Variants in NXPE2 observed in about 807,000 individuals in gnomAD.
The protein encoded by NXPE2 is NXPE family member 2.
In NXPE2, 34 loss-of-function variants were observed where a neutral mutation model predicts 34.4. That is an observed-to-expected ratio of 0.99 (90% CI 0.75 to 1.31). NXPE2 has a LOEUF of 1.31. Among genes scored for constraint, NXPE2 ranks in the 40% most tolerant of loss-of-function variants. NXPE2 has a pLI of 0.00. For missense variants in NXPE2, 649 were observed against 672.5 expected (o/e 0.97, Z 0.39); for synonymous variants, 235 against 231.3 (o/e 1.02, Z -0.15).
intron 3 of NXPE2, among the ~76,000 whole-genome samples, chr11:114,703,456 T>A (rs1251697937): frequency 6.6e-6 from 1 of 152,218 alleles, no homozygotes; most frequent in East Asian, 1.9e-4. Context: ...ACCCCATAAC[T>A]GTTGAATCAG....
chr11:114,586,544 C>T, the NXPE2 span, among the ~76,000 whole-genome samples: 5 of 152,180 alleles, frequency 3.3e-5, no homozygotes, highest in Non-Finnish European at 7.3e-5. Flanking sequence ...GAGAACTTAG[C>T]TAATCCCCCC....
the NXPE2 span, among the ~76,000 whole-genome samples, chr11:114,762,900 G>A: frequency 1.3e-5 from 2 of 151,932 alleles, no homozygotes; most frequent in East Asian, 1.9e-4. Context: ...GTGTCCATCA[G>A]TCACTGAGGC....
the NXPE2 span, among the ~76,000 whole-genome samples, chr11:114,785,686 C>T: frequency 6.6e-6 from 1 of 152,190 alleles, no homozygotes; most frequent in African/African-American, 2.4e-5. Flanking sequence ...ATTTTACCTC[C>T]TTCCCAGTTT....
At chr11:114,766,511 C>T in the NXPE2 span, among the ~76,000 whole-genome samples, 1 of 152,110 alleles carries the variant, frequency 6.6e-6, no homozygotes, top group Non-Finnish European at 1.5e-5. Context: ...TTCCTCTTCA[C>T]TCCTCTCCTT....
the NXPE2 span, among the ~76,000 whole-genome samples, chr11:114,772,377 TA>T: frequency 0.021 from 3,198 of 149,134 alleles, 46 homozygotes; most frequent in Non-Finnish European, 0.035. Flanking sequence ...CTTAGGGGAT[TA>T]AAAAAAAAAG....
chr11:114,550,633 G>C, the NXPE2 span, among the ~76,000 whole-genome samples: 9 of 152,146 alleles, frequency 5.9e-5, no homozygotes, highest in African/African-American at 2.2e-4. Flanking sequence ...AAGAAAACAT[G>C]GATGAATACC....
the NXPE2 span, among the ~76,000 whole-genome samples, chr11:114,768,219 G>A: frequency 2.0e-5 from 3 of 152,200 alleles, no homozygotes; most frequent in Non-Finnish European, 4.4e-5. Flanking sequence ...TCCGATGGTT[G>A]TAGATATGTG....
the NXPE2 span, chr11:114,553,879 T>G: frequency 4.8e-5 from 46 of 968,130 alleles, no homozygotes; most frequent in Non-Finnish European, 5.5e-5. Flanking sequence ...CCATGATGGG[T>G]ACATTTAGAT....
At chr11:114,800,452 TGTTA>T in the NXPE2 span, among the ~76,000 whole-genome samples, 1 of 152,060 alleles carries the variant, frequency 6.6e-6, no homozygotes, top group Non-Finnish European at 1.5e-5. Flanking sequence ...TCAAACTGTT[TGTTA>T]AACTGATTTT....
At chr11:114,678,674 G>A (rs1950888662) in intron 1 of NXPE2, 73 bp downstream of exon 1, 1 of 1,218,716 alleles carries the variant, frequency 8.2e-7, no homozygotes, top group East Asian at 2.5e-5. Flanking sequence ...ACCATTTGGT[G>A]TTTTTCAAAT....
At chr11:114,647,512 T>A in the NXPE2 span, among the ~76,000 whole-genome samples, 1 of 152,278 alleles carries the variant, frequency 6.6e-6, no homozygotes, top group African/African-American at 2.4e-5. Flanking sequence ...TATGTAAGTT[T>A]CCTGTTTTTT....
chr11:114,471,732 G>A, the NXPE2 span, among the ~76,000 whole-genome samples: 15 of 152,118 alleles, frequency 9.9e-5, no homozygotes, highest in African/African-American at 2.7e-4. Context: ...TCCTCCAAAC[G>A]TCTTGTCAGT....
chr11:114,470,395 G>A, the NXPE2 span, among the ~76,000 whole-genome samples: 1 of 152,134 alleles, frequency 6.6e-6, no homozygotes, highest in Non-Finnish European at 1.5e-5. Flanking sequence ...ATTTAAATAG[G>A]TGTATAGTGG....
At chr11:114,477,398 A>G in the NXPE2 span, among the ~76,000 whole-genome samples, 2 of 152,228 alleles carry the variant, frequency 1.3e-5, no homozygotes, top group Non-Finnish European at 1.5e-5. Context: ...GGCGATGGAT[A>G]TATTAAATAG....
At chr11:114,771,594 C>A in the NXPE2 span, among the ~76,000 whole-genome samples, 3 of 152,024 alleles carry the variant, frequency 2.0e-5, no homozygotes, top group African/African-American at 4.8e-5. Context: ...GCAGTGGACC[C>A]AATTCACTCA....
upstream of NXPE2, among the ~76,000 whole-genome samples, chr11:114,674,807 C>A (rs1950839659): frequency 6.6e-6 from 1 of 151,784 alleles, no homozygotes; most frequent in Non-Finnish European, 1.5e-5. Flanking sequence ...TTTTAGATGA[C>A]CAGCATTGTC....
At chr11:114,504,287 A>G in the NXPE2 span, among the ~76,000 whole-genome samples, 2 of 152,092 alleles carry the variant, frequency 1.3e-5, no homozygotes, top group African/African-American at 4.8e-5. Flanking sequence ...CAAATCCTGT[A>G]CTGAAAACAG....
the NXPE2 span, among the ~76,000 whole-genome samples, chr11:114,767,717 C>T: frequency 5.9e-5 from 9 of 152,154 alleles, no homozygotes; most frequent in African/African-American, 2.2e-4. Flanking sequence ...ACAGACTCCA[C>T]ACAGATGCTA....
the NXPE2 span, chr11:114,580,061 C>A: frequency 7.8e-7 from 1 of 1,287,206 alleles, no homozygotes; most frequent in Non-Finnish European, 1.1e-6. Flanking sequence ...TTCCCATATT[C>A]CCTTCTCCCC....
Sources: allele counts gnomAD v4.1 joint callset (sites outside exome capture counted in the v4.1 genomes callset), GRCh38; gene constraint gnomAD v4.1.1; transcripts MANE v1.5; gene names NCBI Gene and HGNC (gene_info 2026-07-23, HGNC 2026-07-21).